The following CPNE5 variants were observed in gnomAD, a reference collection of about 807,000 sequenced individuals.
CPNE5 encodes copine 5.
A neutral mutation model predicts 81.1 loss-of-function variants in CPNE5; 42 were observed. The ratio of observed to expected loss-of-function variants is 0.52; its 90% CI spans 0.40 to 0.67. The LOEUF is 0.67. Among genes scored for constraint, CPNE5 ranks in the 30% least tolerant of loss-of-function variants. The pLI is 0.00. For missense variants in CPNE5, 612 were observed against 815.5 expected (o/e 0.75, Z 3.04); for synonymous variants, 313 against 321.5 (o/e 0.97, Z 0.28).
intron 6 of CPNE5, among the ~76,000 whole-genome samples, chr6:36,796,201 G>A (rs1241870463): frequency 6.6e-6 from 1 of 152,160 alleles, no homozygotes; most frequent in East Asian, 1.9e-4. Flanking sequence ...CACCCGCCTC[G>A]GCCTCCCACA....
At chr6:36,798,623 A>C (rs973300942) in intron 4 of CPNE5, 129 bp from the exon 5 acceptor site, 7 of 766,930 alleles carry the variant, frequency 9.1e-6, no homozygotes, top group Admixed American at 4.2e-5. Flanking sequence ...TATTTCTAGG[A>C]GTAATGGTTG....
intron 12 of CPNE5, 95 bp downstream of exon 12, chr6:36,762,822 A>C: frequency 4.0e-6 from 4 of 988,486 alleles, no homozygotes; most frequent in Non-Finnish European, 6.4e-6. Flanking sequence ...ACAGGAAAAC[A>C]CACCAAGCCC....
At chr6:36,792,505 C>T (rs6936372) in intron 7 of CPNE5, 11,364 of 753,372 alleles carry the variant, frequency 0.015, 128 homozygotes, top group Middle Eastern at 0.045. Context: ...TGACCCCCAG[C>T]GTCCCGGGAC....
rs1314648847 is a variant in CPNE5, at chr6:36,791,931, C to A, written c.528+102G>T. The stretch of plus-strand genomic sequence containing the variant: ...ATGACAGCCAGGTCAGCATCAGGAG[C>A]CCTGTCTACCCTCGGTTCCCTCCAG... On this transcript the variant is annotated intron_variant, in intron 8 of 20. Coordinates refer to ENST00000244751, the MANE Select transcript of CPNE5 (RefSeq NM_020939.2). 7 of 985,366 alleles carry A rather than the reference C, an allele frequency of 7.1e-6. No individual in the cohort carries two copies. In the Admixed American group the frequency reaches 1.0e-4, roughly 15 times the overall value. The allele number at this position is 985,366 out of a possible 1,614,324, so 61.0% of individuals were successfully genotyped here.
At chr6:36,765,412 C>T (rs779627382) in intron 10 of CPNE5, 36 bp from the exon 11 acceptor site, 4 of 1,613,516 alleles carry the variant, frequency 2.5e-6, no homozygotes, top group South Asian at 1.1e-5. Context: ...ATGGGCCCAA[C>T]CCCACACCCA....
intron 10 of CPNE5, among the ~76,000 whole-genome samples, chr6:36,768,304 G>T (rs376245556): frequency 7.4e-6 from 1 of 135,736 alleles, no homozygotes; most frequent in Non-Finnish European, 1.5e-5. Context: ...GTACGATCTC[G>T]GCTCACTGCA....
At chr6:36,828,098 A>T (rs1318771901) in intron 1 of CPNE5, among the ~76,000 whole-genome samples, 2 of 151,920 alleles carry the variant, frequency 1.3e-5, no homozygotes, top group Non-Finnish European at 2.9e-5. Flanking sequence ...GACAGAAAAC[A>T]CTGGAAGGGC....
intron 2 of CPNE5, 27 bp downstream of exon 2, chr6:36,823,031 C>A: frequency 6.5e-7 from 1 of 1,546,204 alleles, no homozygotes; most frequent in South Asian, 1.3e-5. Flanking sequence ...CTATTGTTAC[C>A]GTTCTTATTG....
intron 13 of CPNE5, 73 bp downstream of exon 13, chr6:36,756,172 C>A: frequency 7.5e-7 from 1 of 1,339,116 alleles, no homozygotes; most frequent in Non-Finnish European, 1.1e-6. Flanking sequence ...ACGCACGGGC[C>A]TCCCTGATAC....
intron 9 of CPNE5, among the ~76,000 whole-genome samples, chr6:36,776,040 A>G (rs1767469428): frequency 6.6e-6 from 1 of 152,220 alleles, no homozygotes; most frequent in South Asian, 2.1e-4. Context: ...CCTGTTTTGC[A>G]AGCTAAAAGT....
intron 16 of CPNE5, 44 bp from the exon 17 acceptor site, chr6:36,745,559 CA>C: frequency 1.3e-6 from 2 of 1,564,802 alleles, no homozygotes; most frequent in Non-Finnish European, 1.7e-6. Context: ...GAAGGAAGGA[CA>C]GGGGTGCACG....
At chr6:36,821,453 T>C (rs1251495719) in intron 3 of CPNE5, among the ~76,000 whole-genome samples, 1 of 151,878 alleles carries the variant, frequency 6.6e-6, no homozygotes, top group East Asian at 1.9e-4. Flanking sequence ...AGTGAGGGTG[T>C]CTAGGAGACC....
At position 36,746,153 on chromosome 6, in the gene CPNE5, G is replaced by C; in HGVS notation, c.1200+243C>G. On this transcript the variant is annotated intron_variant, in intron 16 of 20. Coordinates refer to ENST00000244751, the MANE Select transcript of CPNE5 (RefSeq NM_020939.2). This position sits in a 1 kb window ranked among gnomAD's most constrained non-coding sequence, Gnocchi z 4.5. ...TCGCCTCCACCTGCACCTGCGTCTT[G>C]TCAGGAACAAGGAAGCCAGGGCCAG... 2.0e-6 allele frequency: 2 copies of C among 985,328 alleles called. No individual in the cohort carries two copies. The highest frequency in any genetic ancestry group is 2.4e-6 in the Non-Finnish European group (2 of 829,866). The allele number at this position is 985,328 out of a possible 1,614,324, so 61.0% of individuals were successfully genotyped here.
chr6:36,785,374 G>A (rs1768439033), intron 8 of CPNE5, among the ~76,000 whole-genome samples: 1 of 152,116 alleles, frequency 6.6e-6, no homozygotes, highest in Non-Finnish European at 1.5e-5. Flanking sequence ...TTTTTTTAAT[G>A]TGACATTTAA....
chr6:36,791,957 G>A, intron 8 of CPNE5, 76 bp downstream of exon 8: 2 of 1,314,582 alleles, frequency 1.5e-6, no homozygotes, highest in South Asian at 1.2e-5. Flanking sequence ...TTCCCTCCAG[G>A]GGCTCAGGGA....
intron 10 of CPNE5, among the ~76,000 whole-genome samples, chr6:36,770,835 A>C (rs1317321718): frequency 6.6e-6 from 1 of 152,142 alleles, no homozygotes; most frequent in African/African-American, 2.4e-5. Flanking sequence ...CAACAAACAT[A>C]ATCTTTATAA....
Position 36,754,214 on chromosome 6 carries a change from CT to C in CPNE5, c.910-1120del, listed in dbSNP as rs148737317. 510 of 140,890 alleles carry C rather than the reference CT, an allele frequency of 3.6e-3. 1 individual carries two copies. Among genetic ancestry groups the C allele is most frequent in the African/African-American group, 5.5e-3 (208 of 38,164 alleles). 8.7% of individuals were successfully genotyped at this position (140,890 alleles called of 1,614,324 possible). A position where few individuals can be genotyped will look rare whatever the true frequency, so the allele number is the denominator to read the frequency against. ...GCTACATGAATGTTTCAGAGATCTT[CT>C]TTTTTTTTTTTTTTTTTAGCTCTTC... On this transcript the variant is annotated intron_variant, in intron 13 of 20. Transcript: ENST00000244751.
chr6:36,800,064 G>T lies in CPNE5; in HGVS notation c.190C>A (p.Arg64Ser). Residue 64 changes from arginine to serine, a missense_variant, in exon 4 of 21, where the codon CGC (arginine) becomes AGC (serine). Coordinates refer to ENST00000244751, the MANE Select transcript of CPNE5 (RefSeq NM_020939.2). ...AGCGTGTTGTCGATGACTTCGGTGC[G>T]CCCAAACTGCAAGAGAAGATGGAGG... ...MENKQWREFGRTEVIDNTLNP... is the reference protein window; with the variant it reads ...MENKQWREFGSTEVIDNTLNP... The T allele has an allele frequency of 6.2e-7, 1 of 1,610,582 alleles. No individual in the cohort carries two copies.
At chr6:36,774,610 C>T (rs1325756312) in intron 10 of CPNE5, among the ~76,000 whole-genome samples, 1 of 152,230 alleles carries the variant, frequency 6.6e-6, no homozygotes, top group Non-Finnish European at 1.5e-5. Context: ...GGCCTGGGCA[C>T]CCGGGACACC....
Sources: gnomAD v4.1 joint callset for allele counts (sites outside exome capture counted in the v4.1 genomes callset) on GRCh38, gnomAD v4.1.1 for gene constraint, Gnocchi (gnomAD v3.1) non-coding constraint, MANE v1.5 for transcripts, NCBI Gene and HGNC (gene_info 2026-07-23, HGNC 2026-07-21) for gene names.